SLC7A7: variants seen among roughly 807,000 people sequenced by gnomAD.
SLC7A7 encodes Y+L amino acid transporter 1.
In SLC7A7, 39 loss-of-function variants were observed where a neutral mutation model predicts 47.9. The ratio of observed to expected loss-of-function variants is 0.81; its 90% confidence interval spans 0.63 to 1.06. The LOEUF (loss-of-function observed/expected upper bound fraction) is 1.06, where lower values mean the gene tolerates loss of function less well. SLC7A7 is among the 50% of genes least tolerant of loss of function. SLC7A7 has a pLI of 0.00. For missense variants in SLC7A7, 588 were observed against 632.0 expected, an observed-to-expected ratio of 0.93 and a Z score of 0.75; for synonymous variants, 234 against 242.8, an observed-to-expected ratio of 0.96 and a Z score of 0.34.
chr14:22,797,813 G>A (rs1343923341), intron 2 of SLC7A7, among the ~76,000 whole-genome samples: 1 of 152,210 alleles, frequency 6.6e-6, no homozygotes, highest in Non-Finnish European at 1.5e-5. Flanking sequence ...AGTAATACCA[G>A]ACTATCTAGG....
At chr14:22,786,909 C>G (rs2038827234) in intron 2 of SLC7A7, among the ~76,000 whole-genome samples, 1 of 152,066 alleles carries the variant, frequency 6.6e-6, no homozygotes, top group Non-Finnish European at 1.5e-5. Context: ...GCACTGCAGC[C>G]TGGGCAACAC....
At chr14:22,818,979 C>G (rs773208236), upstream of SLC7A7, among the ~76,000 whole-genome samples, 1 of 152,044 alleles carries the variant, frequency 6.6e-6, no homozygotes, top group Non-Finnish European at 1.5e-5. Context: ...CTCTGAACAC[C>G]CAGTGAAGAT....
At chr14:22,806,690 T>C (rs998689147) in intron 2 of SLC7A7, among the ~76,000 whole-genome samples, 8 of 152,010 alleles carry the variant, frequency 5.3e-5, no homozygotes, top group African/African-American at 1.9e-4. Flanking sequence ...GATTATGGGA[T>C]ATGAGAAGGC....
intron 2 of SLC7A7, among the ~76,000 whole-genome samples, chr14:22,801,489 ACC>A (rs975981962): frequency 6.6e-6 from 1 of 151,678 alleles, no homozygotes; most frequent in Non-Finnish European, 1.5e-5. Context: ...ATCCATTAAA[ACC>A]CTGTATCAGA....
chr14:22,789,430 T>A (rs1229474489), intron 2 of SLC7A7, among the ~76,000 whole-genome samples: 1 of 151,390 alleles, frequency 6.6e-6, no homozygotes, highest in Non-Finnish European at 1.5e-5. Flanking sequence ...CCAACATGAG[T>A]CAGCCTAACC....
At chr14:22,791,761 T>G (rs2038926506) in intron 2 of SLC7A7, among the ~76,000 whole-genome samples, 1 of 151,918 alleles carries the variant, frequency 6.6e-6, no homozygotes, top group Non-Finnish European at 1.5e-5. Flanking sequence ...AGATTTCAAG[T>G]CTCTTCTTCC....
At chr14:22,788,743 G>A (rs2038871615) in intron 2 of SLC7A7, among the ~76,000 whole-genome samples, 1 of 149,016 alleles carries the variant, frequency 6.7e-6, no homozygotes, top group African/African-American at 2.5e-5. Context: ...TACGACTACA[G>A]ACAAAAATAC....
Position 22,810,462 on chromosome 14 carries a change from C to CA in SLC7A7, c.499+2437dup, listed in dbSNP as rs59569324. Among the ~76,000 whole-genome samples, 309 of 95,638 alleles carry CA rather than the reference C, an allele frequency of 3.2e-3. 4 individuals are homozygous for CA. Among genetic ancestry groups the CA allele is most frequent in the South Asian group, 0.025 (71 of 2,832 alleles). The allele number at this position is 95,638 out of a possible 152,430, so 62.7% of individuals were successfully genotyped here. A position where few individuals can be genotyped will look rare whatever the true frequency, so the allele number is the denominator to read the frequency against. ...GGGCAACAAGAGCGAAACTCCATCT[C>CA]AAAAAAAAAAAAAAAAATAGATTTC... On this transcript the variant is annotated intron_variant, in intron 2 of 9. Transcript: ENST00000674313.
intron 2 of SLC7A7, among the ~76,000 whole-genome samples, chr14:22,786,210 C>G (rs1468676337): frequency 6.6e-6 from 1 of 151,504 alleles, no homozygotes; most frequent in African/African-American, 2.4e-5. Context: ...CCCAGCTACT[C>G]GGGAGGCTGA....
intron 4 of SLC7A7, 88 bp downstream of exon 4, chr14:22,778,705 G>A (rs1349942695): frequency 2.1e-6 from 3 of 1,420,044 alleles, no homozygotes; most frequent in Non-Finnish European, 2.9e-6. Flanking sequence ...TAACCTCATA[G>A]TGGTTGTGGT....
chr14:22,812,504 A>C (rs2039326706), intron 2 of SLC7A7, among the ~76,000 whole-genome samples: 1 of 149,102 alleles, frequency 6.7e-6, no homozygotes, highest in African/African-American at 2.5e-5. Context: ...AAAAAAAATC[A>C]GTGTGCCTGT....
At chr14:22,775,390 T>TA in intron 7 of SLC7A7, 54 bp downstream of exon 7, 1 of 1,366,630 alleles carries the variant, frequency 7.3e-7, no homozygotes. Flanking sequence ...CTTCTGCTGT[T>TA]ACTAAAGTTT....
intron 2 of SLC7A7, among the ~76,000 whole-genome samples, chr14:22,785,953 C>T (rs1469659960): frequency 7.0e-6 from 1 of 143,782 alleles, no homozygotes; most frequent in Admixed American, 7.4e-5. Context: ...ACCCGGGAGG[C>T]GGAGCTTGCA....
At chr14:22,773,825 T>G in intron 9 of SLC7A7, 108 bp downstream of exon 9, 7 of 1,556,526 alleles carry the variant, frequency 4.5e-6, no homozygotes, top group Non-Finnish European at 6.2e-6. Context: ...AGCCGAAGGG[T>G]TCATAAGAAG....
Position 22,773,551 on chromosome 14 carries a change from T to A in SLC7A7, c.*59A>T. 6.8e-7 allele frequency: 1 copy of A among 1,462,934 alleles called. No homozygotes were observed. Among genetic ancestry groups the A allele is most frequent in the Non-Finnish European group, 9.6e-7 (1 of 1,043,560 alleles). The allele number at this position is 1,462,934 out of a possible 1,614,324, so 90.6% of individuals were successfully genotyped here. ...AAGTGAGCTTTCCTTTTCAACTTCC[T>A]TAGCTCTAGCCAGTAGACCAGAAAC... On this transcript the variant is annotated 3_prime_UTR_variant, in exon 10 of 10. Coordinates refer to ENST00000674313, the MANE Select transcript of SLC7A7 (RefSeq NM_003982.4).
chr14:22,812,927 T>C lies in SLC7A7; in HGVS notation c.472A>G (p.Ser158Gly), dbSNP rs1056363802. ...FPSCFAPYAA[S>G]RLLAAACICL... The stretch of plus-strand genomic sequence containing the variant: ...ATGCAGGCAGCAGCCAGCAGGCGGC[T>C]GGCAGCATAAGGGGCGAAGCAGCTC... The change falls in exon 2 of 10, where the codon AGC (serine) becomes GGC (glycine). Residue 158 changes from serine (S) to glycine (G), a missense_variant. Physicochemically the swap from Ser to Gly is moderately conservative, Grantham distance 56. Coordinates refer to ENST00000674313, the MANE Select transcript of SLC7A7 (RefSeq NM_003982.4). 1.9e-5 allele frequency: 30 copies of C among 1,613,584 alleles called. No homozygotes were observed. Among genetic ancestry groups the C allele is most frequent in the Non-Finnish European group, 2.5e-5 (29 of 1,179,984 alleles).
chr14:22,799,430 C>CTTTTTA (rs2039071848), intron 2 of SLC7A7, among the ~76,000 whole-genome samples: 2 of 112,604 alleles, frequency 1.8e-5, no homozygotes, highest in East Asian at 2.6e-4. Flanking sequence ...GTTTCTTTTT[C>CTTTTTA]TTTTTATTTT....
intron 2 of SLC7A7, among the ~76,000 whole-genome samples, chr14:22,809,796 T>C (rs916276919): frequency 6.6e-6 from 1 of 152,016 alleles, no homozygotes; most frequent in South Asian, 2.1e-4. Context: ...TGAATGAGGA[T>C]TTAAACATGT....
rs1322276280 is a variant in SLC7A7 at position 22,773,362 on chromosome 14, A to G, written c.*248T>C. 5.0e-6 allele frequency: 3 copies of G among 600,572 alleles called. No homozygotes were observed. Among genetic ancestry groups the G allele is most frequent in the Non-Finnish European group, 9.3e-6 (3 of 321,932 alleles). The allele number at this position is 600,572 out of a possible 1,614,324, so 37.2% of individuals were successfully genotyped here. On this transcript the variant is annotated 3_prime_UTR_variant, in exon 10 of 10. Coordinates refer to ENST00000674313, the MANE Select transcript of SLC7A7 (RefSeq NM_003982.4). ...GGCACACCCAGGTGCTTCTAAAACA[A>G]CCAAGCCCAAACCTGACATGCTCCT...
Sources: gnomAD v4.1 joint callset for allele counts (sites outside exome capture counted in the v4.1 genomes callset) on GRCh38, gnomAD v4.1.1 for gene constraint, MANE v1.5 for transcripts, NCBI Gene and HGNC (gene_info 2026-07-23, HGNC 2026-07-21) for gene names.